SLC35F4: variants seen among roughly 807,000 people sequenced by gnomAD.
SLC35F4 encodes chromosome 14 open reading frame 36.
Under a neutral mutation model 44.2 loss-of-function variants are expected in SLC35F4, and 24 were observed. That is an observed-to-expected ratio of 0.54 (90% CI 0.39 to 0.76). SLC35F4 has a LOEUF of 0.76. Among genes scored for constraint, SLC35F4 ranks in the 30% least tolerant of loss-of-function variants. The pLI, the probability that SLC35F4 is intolerant of heterozygous loss-of-function variation, is 0.00. For synonymous variants in SLC35F4, 238 were observed against 223.6 expected (o/e 1.06, Z -0.57); for missense variants, 562 against 586.1 (o/e 0.96, Z 0.42).
chr14:57,684,905 G>A (rs1177525462), intron 1 of SLC35F4, among the ~76,000 whole-genome samples: 2 of 152,122 alleles, frequency 1.3e-5, no homozygotes, highest in African/African-American at 4.8e-5. Context: ...TAGCTCCTTA[G>A]TTAGCTGCCT....
chr14:57,746,177 T>A (rs62003418), intron 1 of SLC35F4, among the ~76,000 whole-genome samples: 5,266 of 152,146 alleles, frequency 0.035, 133 homozygotes, highest in South Asian at 0.06. Flanking sequence ...GGCACATGTA[T>A]ACATATGTAA....
upstream of SLC35F4, among the ~76,000 whole-genome samples, chr14:57,868,279 G>A (rs1309652362): frequency 6.6e-6 from 1 of 152,092 alleles, no homozygotes; most frequent in Admixed American, 6.5e-5. Context: ...AATAGTAAAT[G>A]CCAGCAAGTG....
At chr14:57,947,500 T>A (rs951241795) in intron 1 of SLC35F4, among the ~76,000 whole-genome samples, 1 of 152,192 alleles carries the variant, frequency 6.6e-6, no homozygotes, top group Non-Finnish European at 1.5e-5. Flanking sequence ...ACTTCCTTTT[T>A]ACCAATTTGG....
chr14:57,618,008 T>C (rs1358982921), intron 1 of SLC35F4, among the ~76,000 whole-genome samples: 2 of 152,186 alleles, frequency 1.3e-5, no homozygotes, highest in Non-Finnish European at 2.9e-5. Flanking sequence ...TAAGTAATGA[T>C]GGTGTCTTAT....
chr14:57,658,289 T>A (rs1188759631), intron 1 of SLC35F4, among the ~76,000 whole-genome samples: 1 of 152,220 alleles, frequency 6.6e-6, no homozygotes, highest in Non-Finnish European at 1.5e-5. Context: ...ATATTTTTCA[T>A]AATACTTTAT....
intron 1 of SLC35F4, among the ~76,000 whole-genome samples, chr14:57,761,045 T>C (rs1025104545): frequency 6.6e-6 from 1 of 152,136 alleles, no homozygotes; most frequent in African/African-American, 2.4e-5. Context: ...TCAGACTCTG[T>C]GTGAGTCCCC....
At chr14:57,785,208 G>A (rs576064705) in intron 1 of SLC35F4, among the ~76,000 whole-genome samples, 9 of 152,242 alleles carry the variant, frequency 5.9e-5, no homozygotes, top group African/African-American at 2.2e-4. Context: ...GTTACCTGAA[G>A]TTTATACTAC....
chr14:57,962,815 GCAACTT>G (rs1890362587), intron 1 of SLC35F4, among the ~76,000 whole-genome samples: 1 of 152,164 alleles, frequency 6.6e-6, no homozygotes, highest in Non-Finnish European at 1.5e-5. Flanking sequence ...CCCTGCTGCT[GCAACTT>G]CTAGCAGCAC....
intron 1 of SLC35F4, among the ~76,000 whole-genome samples, chr14:57,761,948 G>A (rs1011424444): frequency 6.6e-6 from 1 of 152,130 alleles, no homozygotes; most frequent in African/African-American, 2.4e-5. Context: ...GAACTGATGT[G>A]AAAGCTGTAG....
Position 57,679,648 on chromosome 14 carries a change from G to T in SLC35F4, c.104-85524C>A, listed in dbSNP as rs1008338531. Among the ~76,000 whole-genome samples the T allele has an allele frequency of 6.6e-5, 10 of 152,076 alleles. 1 individual carries two copies. The South Asian group carries it at 1.9e-3, about 28-fold the overall frequency. On this transcript the variant is annotated intron_variant, in intron 1 of 7. Transcript: ENST00000556826. ...GTAGCCAGACTAATAAAGAAGAAAA[G>T]AGAGAAGAATCAAATAGATGCAATA...
chr14:57,742,032 T>C (rs751565325), intron 1 of SLC35F4, among the ~76,000 whole-genome samples: 1 of 152,122 alleles, frequency 6.6e-6, no homozygotes, highest in African/African-American at 2.4e-5. Context: ...CTGAGAGATT[T>C]TGTCACCACC....
At chr14:57,623,096 T>A (rs1745711) in intron 1 of SLC35F4, among the ~76,000 whole-genome samples, 106,998 of 151,954 alleles carry the variant, frequency 0.7, 38,504 homozygotes, top group Middle Eastern at 0.79. Context: ...ACATAGGCTC[T>A]AAAATAAGAG....
chr14:57,897,586 G>T (rs2141043048), intron 1 of SLC35F4, among the ~76,000 whole-genome samples: 1 of 152,090 alleles, frequency 6.6e-6, no homozygotes, highest in South Asian at 2.1e-4. Flanking sequence ...CGATCCAGCA[G>T]TCCCACCTCT....
At chr14:57,939,096 C>A (rs1433376861) in intron 1 of SLC35F4, among the ~76,000 whole-genome samples, 1 of 151,802 alleles carries the variant, frequency 6.6e-6, no homozygotes. Context: ...ATCTTTCCCC[C>A]CGAGAGGGAG....
In SLC35F4 at chr14:57,633,943, A is replaced by G. The variant is rs145157251; in HGVS notation, c.104-39819T>C. Among the ~76,000 whole-genome samples the G allele has an allele frequency of 6.1e-3, 924 of 152,218 alleles. 10 individuals carry two copies. Among genetic ancestry groups the G allele is most frequent in the Non-Finnish European group, 9.3e-3 (633 of 68,002 alleles). On this transcript the variant is annotated intron_variant, in intron 1 of 7. Coordinates refer to ENST00000556826, the MANE Select transcript of SLC35F4 (RefSeq NM_001306087.2). The stretch of plus-strand genomic sequence containing the variant: ...TTTAAAGGACTAAGAGCAGAAAAGG[A>G]GCCCACATATGAGAATGAGAAAGAT...
intron 1 of SLC35F4, among the ~76,000 whole-genome samples, chr14:57,744,983 A>C (rs1050097574): frequency 6.6e-5 from 10 of 152,196 alleles, no homozygotes; most frequent in Non-Finnish European, 1.0e-4. Flanking sequence ...CAAAAACAAG[A>C]AATGGGGAAA....
intron 1 of SLC35F4, among the ~76,000 whole-genome samples, chr14:57,865,027 G>A (rs946744469): frequency 1.3e-5 from 2 of 151,776 alleles, no homozygotes; most frequent in Non-Finnish European, 2.9e-5. Context: ...GTGCGGCGGG[G>A]GCGGGTGGCC....
At chr14:57,751,314 T>C (rs2076879904) in intron 1 of SLC35F4, among the ~76,000 whole-genome samples, 1 of 152,184 alleles carries the variant, frequency 6.6e-6, no homozygotes, top group Non-Finnish European at 1.5e-5. Flanking sequence ...TAGTAGTAAG[T>C]ATCTCTACTT....
At chr14:57,572,568 T>C (rs1482511337) in intron 4 of SLC35F4, among the ~76,000 whole-genome samples, 1 of 152,132 alleles carries the variant, frequency 6.6e-6, no homozygotes, top group Non-Finnish European at 1.5e-5. Flanking sequence ...CATAGAGATG[T>C]ATAAAGGAGC....
Sources: allele counts gnomAD v4.1 joint callset (sites outside exome capture counted in the v4.1 genomes callset), GRCh38; gene constraint gnomAD v4.1.1; transcripts MANE v1.5; gene names NCBI Gene and HGNC (gene_info 2026-07-23, HGNC 2026-07-21).